The following ELAPOR2 variants were observed in gnomAD, a reference collection of about 807,000 sequenced individuals.
ELAPOR2 encodes endosome/lysosome-associated apoptosis and autophagy regulator family member 2.
In ELAPOR2, 89 loss-of-function variants were observed where a neutral mutation model predicts 120.7. The ratio of observed to expected loss-of-function variants is 0.74; its 90% confidence interval spans 0.62 to 0.88. The LOEUF is 0.88. Ranked by LOEUF, ELAPOR2 falls within the 40% of genes least tolerant of loss-of-function variation. The pLI, the probability that ELAPOR2 is intolerant of heterozygous loss-of-function variation, is 0.00. For missense variants in ELAPOR2, 1,134 were observed against 1,251.6 expected (o/e 0.91, Z 1.42); for synonymous variants, 444 against 444.9 (o/e 1.00, Z 0.03).
chr7:86,981,270 C>T (rs773350883), intron 1 of ELAPOR2, among the ~76,000 whole-genome samples: 3 of 152,204 alleles, frequency 2.0e-5, no homozygotes, highest in Non-Finnish European at 2.9e-5. Flanking sequence ...CCTGCTGGGA[C>T]TCTGTGATAC....
At chr7:86,979,357 T>C (rs768328431) in intron 1 of ELAPOR2, among the ~76,000 whole-genome samples, 12 of 152,184 alleles carry the variant, frequency 7.9e-5, no homozygotes, top group Non-Finnish European at 1.2e-4. Context: ...CTAAGAGACA[T>C]AGTTTAACTA....
intron 1 of ELAPOR2, among the ~76,000 whole-genome samples, chr7:87,050,862 G>A (rs977065156): frequency 4.6e-5 from 7 of 152,186 alleles, no homozygotes; most frequent in Non-Finnish European, 8.8e-5. Flanking sequence ...GATGTAGGAT[G>A]TAGGAGAAAA....
chr7:86,884,747 T>C (rs1409197975), intron 21 of ELAPOR2, among the ~76,000 whole-genome samples: 1 of 152,086 alleles, frequency 6.6e-6, no homozygotes, highest in Non-Finnish European at 1.5e-5. Context: ...CCTGAGAGAT[T>C]ACGAAAATTT....
intron 1 of ELAPOR2, among the ~76,000 whole-genome samples, chr7:86,974,508 T>C (rs187364146): frequency 4.6e-5 from 7 of 151,988 alleles, no homozygotes; most frequent in Admixed American, 3.9e-4. Context: ...AAGGTATATT[T>C]AATAACAAAA....
intron 4 of ELAPOR2, 107 bp from the exon 5 acceptor site, chr7:86,942,211 A>G: frequency 1.7e-6 from 1 of 590,592 alleles, no homozygotes; most frequent in Non-Finnish European, 3.1e-6. Context: ...CCTTCTAAAC[A>G]ATGGCCATGA....
At chr7:86,974,053 T>A (rs535673207) in intron 1 of ELAPOR2, among the ~76,000 whole-genome samples, 8 of 152,170 alleles carry the variant, frequency 5.3e-5, no homozygotes, top group South Asian at 4.2e-4. Context: ...CTTTTTTTTT[T>A]AATTCCAAAC....
rs1562916427 is a variant in ELAPOR2, at chr7:86,912,220, C to T, written c.2021G>A (p.Cys674Tyr). Residue 674 changes from cysteine (C) to tyrosine (Y), a missense_variant, in exon 15 of 22, where the codon TGC (cysteine) becomes TAC (tyrosine). This residue lies in a region of ELAPOR2 where 831 missense variants were observed against 867.6 expected (regional missense o/e 0.96). Transcript: ENST00000450689. ...NQDHSVCYSD[C>Y]FFYHEKENQS... ...ATTTTCTTTTTCATGGTAGAAAAAG[C>T]AGTCACTATAGCAAACCGAATGGTC... 6.2e-7 allele frequency: 1 copy of T among 1,606,198 alleles called. No individual in the cohort carries two copies. Among genetic ancestry groups the T allele is most frequent in the Non-Finnish European group, 8.5e-7 (1 of 1,173,554 alleles).
intron 1 of ELAPOR2, among the ~76,000 whole-genome samples, chr7:87,028,357 C>T (rs1236939955): frequency 6.6e-6 from 1 of 152,052 alleles, no homozygotes; most frequent in Non-Finnish European, 1.5e-5. Flanking sequence ...TTTCATCCAT[C>T]AACCCTCTTC....
intron 1 of ELAPOR2, among the ~76,000 whole-genome samples, chr7:87,056,936 T>C (rs1023278006): frequency 6.6e-6 from 1 of 152,238 alleles, no homozygotes; most frequent in Non-Finnish European, 1.5e-5. Context: ...TATAGCTTTT[T>C]CTATACTCCT....
chr7:86,982,304 C>G (rs1210040613), intron 1 of ELAPOR2, among the ~76,000 whole-genome samples: 10 of 152,238 alleles, frequency 6.6e-5, no homozygotes, highest in Non-Finnish European at 1.2e-4. Context: ...CTGAAGAGAA[C>G]AGTGGTTCTC....
intron 1 of ELAPOR2, among the ~76,000 whole-genome samples, chr7:87,022,132 GGTTT>G (rs951254311): frequency 2.0e-5 from 3 of 151,952 alleles, no homozygotes; most frequent in African/African-American, 7.3e-5. Flanking sequence ...ACAACATGCA[GGTTT>G]GTTACATATG....
chr7:86,880,454 G>T lies in ELAPOR2; in HGVS notation c.*17C>A. The T allele has an allele frequency of 6.3e-7, 1 of 1,586,230 alleles. No homozygotes were observed. The highest frequency in any genetic ancestry group is 1.1e-5 in the South Asian group (1 of 90,314). ...GGTTTCTTTGTTCATTAGTCTCAAG[G>T]CTACAGCACTGTCTCTTCATATATT... is the stretch of plus-strand genomic sequence containing the variant. On this transcript the variant is annotated 3_prime_UTR_variant, in exon 22 of 22. Transcript: ENST00000450689.
At chr7:86,953,745 G>A (rs1791362724) in intron 2 of ELAPOR2, among the ~76,000 whole-genome samples, 1 of 152,124 alleles carries the variant, frequency 6.6e-6, no homozygotes, top group African/African-American at 2.4e-5. Flanking sequence ...AAATCTTAGA[G>A]AAACTGAATT....
Position 87,053,178 on chromosome 7 carries a change from G to C in ELAPOR2, c.189+6147C>G, listed in dbSNP as rs1795165205. Among the ~76,000 whole-genome samples, 3 of 152,146 alleles carry C rather than the reference G, an allele frequency of 2.0e-5. No homozygotes were observed. The South Asian group carries it at 6.2e-4, about 32-fold the overall frequency. On this transcript the variant is annotated intron_variant, in intron 1 of 21. Transcript: ENST00000450689. ...TGATTAGAATTAAATGTACCATAAA[G>C]ATCAATTCCTGTTTATAACTGAAAA...
Position 86,914,821 on chromosome 7 carries a change from C to T in ELAPOR2, c.1633G>A (p.Gly545Ser). The T allele has an allele frequency of 6.2e-7, 1 of 1,611,032 alleles. No homozygotes were observed. ...RKSTNVVESWGGTKEKQAYTH... is the reference protein window; with the variant it reads ...RKSTNVVESWSGTKEKQAYTH... Reference sequence around the variant, plus strand: ...TAAGCTTGTTTTTCTTTGGTTCCACCCCACGATTCTACCACATTTGTACTT... The same window carrying T: ...TAAGCTTGTTTTTCTTTGGTTCCACTCCACGATTCTACCACATTTGTACTT... The change falls in exon 13 of 22, where the codon GGT becomes AGT. Residue 545 changes from glycine (G) to serine (S), a missense_variant. Physicochemically the swap from Gly to Ser is moderately conservative, Grantham distance 56. Coordinates refer to ENST00000450689, the MANE Select transcript of ELAPOR2 (RefSeq NM_001142749.3).
intron 1 of ELAPOR2, among the ~76,000 whole-genome samples, chr7:86,969,223 A>T (rs569864120): frequency 6.6e-6 from 1 of 152,278 alleles, no homozygotes; most frequent in Admixed American, 6.5e-5. Context: ...CATCCAAGTA[A>T]ATACTGGATG....
At chr7:87,001,144 G>T (rs1203116042) in intron 1 of ELAPOR2, among the ~76,000 whole-genome samples, 1 of 152,110 alleles carries the variant, frequency 6.6e-6, no homozygotes, top group Non-Finnish European at 1.5e-5. Context: ...ACCTCCAGCT[G>T]ATTGTGAGGA....
At chr7:86,975,430 A>AT (rs1477926663) in intron 1 of ELAPOR2, among the ~76,000 whole-genome samples, 3 of 152,188 alleles carry the variant, frequency 2.0e-5, no homozygotes, top group Non-Finnish European at 2.9e-5. Context: ...AAATCAATAG[A>AT]TTTTTTAAAA....
chr7:86,936,864 A>G (rs1031024511), intron 8 of ELAPOR2, among the ~76,000 whole-genome samples: 1 of 152,120 alleles, frequency 6.6e-6, no homozygotes, highest in African/African-American at 2.4e-5. Context: ...ATTGTAGATA[A>G]GACGAGATCC....
Sources: allele counts gnomAD v4.1 joint callset (sites outside exome capture counted in the v4.1 genomes callset), GRCh38; gene constraint gnomAD v4.1.1; regional missense constraint gnomAD v4.1.1; transcripts MANE v1.5; gene names NCBI Gene and HGNC (gene_info 2026-07-23, HGNC 2026-07-21).